MINDY3: variants seen among roughly 807,000 people sequenced by gnomAD.
The protein encoded by MINDY3 is ubiquitin carboxyl-terminal hydrolase MINDY-3.
In MINDY3, 38 loss-of-function variants were observed where a neutral mutation model predicts 69.2. That is an observed-to-expected ratio of 0.55 (90% confidence interval 0.42 to 0.72). The LOEUF is 0.72. MINDY3 is among the 30% of genes least tolerant of loss of function. The pLI, the probability that MINDY3 is intolerant of heterozygous loss-of-function variation, is 0.00. For missense variants in MINDY3, 522 were observed against 519.0 expected (o/e 1.01, Z -0.06); for synonymous variants, 192 against 180.1 (o/e 1.07, Z -0.53).
chr10:15,832,953 T>C (rs1380446308), intron 8 of MINDY3, among the ~76,000 whole-genome samples: 5 of 152,010 alleles, frequency 3.3e-5, no homozygotes, highest in Non-Finnish European at 1.5e-5. Flanking sequence ...GCTACGTACT[T>C]CAGAGAGGCA....
intron 1 of MINDY3, among the ~76,000 whole-genome samples, chr10:15,858,397 A>C (rs1030443891): frequency 6.6e-6 from 1 of 152,220 alleles, no homozygotes; most frequent in Admixed American, 6.5e-5. Context: ...CAAATAAACA[A>C]CTTATTGTAA....
At chr10:15,793,102 A>G (rs1271247487) in intron 11 of MINDY3, among the ~76,000 whole-genome samples, 1 of 152,128 alleles carries the variant, frequency 6.6e-6, no homozygotes, top group Non-Finnish European at 1.5e-5. Context: ...TCATATTAAT[A>G]TATCTTTATC....
chr10:15,789,198 T>TAATCGAATCTTTTTGAG, intron 12 of MINDY3, 49 bp downstream of exon 12: 2 of 1,463,244 alleles, frequency 1.4e-6, no homozygotes, highest in Non-Finnish European at 1.9e-6. Context: ...GTCTTAAACT[T>TAATCGAATCTTTTTGAG]AATCGAATCT....
At chr10:15,857,637 A>C (rs958837224) in intron 1 of MINDY3, among the ~76,000 whole-genome samples, 2 of 152,212 alleles carry the variant, frequency 1.3e-5, no homozygotes, top group Non-Finnish European at 2.9e-5. Flanking sequence ...TTAAGCCCTT[A>C]AATTACATGG....
At chr10:15,793,154 C>T (rs965494832) in intron 11 of MINDY3, among the ~76,000 whole-genome samples, 1 of 152,030 alleles carries the variant, frequency 6.6e-6, no homozygotes, top group Non-Finnish European at 1.5e-5. Flanking sequence ...TACCTGAATA[C>T]GAAGCACATA....
chr10:15,810,026 G>A (rs1422305103), intron 10 of MINDY3, among the ~76,000 whole-genome samples: 1 of 151,966 alleles, frequency 6.6e-6, no homozygotes, highest in Non-Finnish European at 1.5e-5. Context: ...TATTTTTAAT[G>A]ATGATTCTCA....
intron 9 of MINDY3, 27 bp downstream of exon 9, chr10:15,821,629 T>C (rs1210849029): frequency 1.9e-6 from 3 of 1,563,516 alleles, no homozygotes; most frequent in Non-Finnish European, 2.6e-6. Flanking sequence ...ACAAAAAACA[T>C]TCAAAGTACC....
intron 1 of MINDY3, among the ~76,000 whole-genome samples, chr10:15,850,355 A>T (rs1476650952): frequency 6.6e-6 from 1 of 152,214 alleles, no homozygotes; most frequent in African/African-American, 2.4e-5. Context: ...AAGGGAGATG[A>T]TCATTAGGTC....
chr10:15,814,899 G>A (rs1056209663), intron 10 of MINDY3, among the ~76,000 whole-genome samples: 1 of 152,100 alleles, frequency 6.6e-6, no homozygotes, highest in Non-Finnish European at 1.5e-5. Context: ...CAGACTCACA[G>A]CTCATTCGAC....
intron 14 of MINDY3, 27 bp from the exon 15 acceptor site, chr10:15,779,168 G>C (rs1836321078): frequency 1.2e-6 from 2 of 1,603,202 alleles, no homozygotes; most frequent in Non-Finnish European, 1.7e-6. Flanking sequence ...AGCCACCAAG[G>C]TCAAGCAACA....
chr10:15,857,646 G>C (rs1014939587), intron 1 of MINDY3, among the ~76,000 whole-genome samples: 6 of 151,898 alleles, frequency 4.0e-5, no homozygotes, highest in African/African-American at 1.5e-4. Context: ...TAAATTACAT[G>C]GCTTATTGCC....
At chr10:15,842,349 G>A (rs2132092059) in intron 3 of MINDY3, among the ~76,000 whole-genome samples, 1 of 151,956 alleles carries the variant, frequency 6.6e-6, no homozygotes, top group African/African-American at 2.4e-5. Context: ...CAGTATTTAT[G>A]ACACTTATGA....
At chr10:15,837,484 A>G (rs1833168341) in intron 5 of MINDY3, 166 bp from the exon 6 acceptor site, 5 of 1,401,318 alleles carry the variant, frequency 3.6e-6, no homozygotes, top group African/African-American at 1.5e-5. Context: ...TAAAACCAAA[A>G]GCTATTTCTG....
At chr10:15,815,735 T>G (rs1839310616) in intron 10 of MINDY3, among the ~76,000 whole-genome samples, 1 of 152,206 alleles carries the variant, frequency 6.6e-6, no homozygotes, top group South Asian at 2.1e-4. Context: ...TACTAGGCAC[T>G]GCTAAATACT....
chr10:15,817,620 T>C (rs1839464667), intron 9 of MINDY3: 1 of 152,214 alleles, frequency 6.6e-6, no homozygotes, highest in South Asian at 2.1e-4. Flanking sequence ...AGAATAGACT[T>C]ATGAAACCCA....
At chr10:15,792,634 T>C (rs1278028022) in intron 11 of MINDY3, among the ~76,000 whole-genome samples, 3 of 151,966 alleles carry the variant, frequency 2.0e-5, no homozygotes, top group Non-Finnish European at 4.4e-5. Flanking sequence ...TTCTTAAAGA[T>C]TAAAAAAATG....
At chr10:15,780,754 A>C (rs1447567203) in intron 14 of MINDY3, among the ~76,000 whole-genome samples, 2 of 152,198 alleles carry the variant, frequency 1.3e-5, no homozygotes, top group South Asian at 4.1e-4. Context: ...TCATTTTAAC[A>C]GTTCATCCTA....
chr10:15,841,301 A>T, intron 4 of MINDY3, 125 bp downstream of exon 4: 2 of 725,804 alleles, frequency 2.8e-6, no homozygotes, highest in Non-Finnish European at 4.4e-6. Context: ...CTCAGTAATT[A>T]AGCTTAAGCT....
intron 13 of MINDY3, 26 bp downstream of exon 13, chr10:15,786,535 T>C (rs749351166): frequency 4.7e-5 from 60 of 1,277,324 alleles, no homozygotes; most frequent in Non-Finnish European, 6.3e-5. Context: ...AGAATAACAA[T>C]GAATATATTT....
Sources: gnomAD v4.1 joint callset for allele counts (sites outside exome capture counted in the v4.1 genomes callset) on GRCh38, gnomAD v4.1.1 for gene constraint, MANE v1.5 for transcripts, NCBI Gene and HGNC (gene_info 2026-07-23, HGNC 2026-07-21) for gene names.